CTNNA2: variants seen among roughly 807,000 people sequenced by gnomAD.
CTNNA2 encodes the protein catenin alpha-2.
In CTNNA2, 42 loss-of-function variants were observed where a neutral mutation model predicts 101.0. The ratio of observed to expected loss-of-function variants is 0.42; its 90% confidence interval spans 0.32 to 0.54. The LOEUF is 0.54. Among genes scored for constraint, CTNNA2 ranks in the 20% least tolerant of loss-of-function variants. The pLI, the probability that CTNNA2 is intolerant of heterozygous loss-of-function variation, is 0.14. For missense variants in CTNNA2, 871 were observed against 1,223.1 expected (o/e 0.71, Z 4.29); for synonymous variants, 450 against 456.4 (o/e 0.99, Z 0.18).
intron 7 of CTNNA2, among the ~76,000 whole-genome samples, chr2:80,185,956 G>A (rs1440945771): frequency 6.6e-6 from 1 of 152,220 alleles, no homozygotes; most frequent in African/African-American, 2.4e-5. Flanking sequence ...AAAAAAGAGT[G>A]TAAGAGTTGA....
chr2:80,618,325 A>G (rs1699019155), intron 17 of CTNNA2, among the ~76,000 whole-genome samples: 1 of 151,864 alleles, frequency 6.6e-6, no homozygotes, highest in South Asian at 2.1e-4. Context: ...GATTTTTTCT[A>G]CAGTTCTGAA....
chr2:80,331,992 C>G (rs1276893291), intron 7 of CTNNA2, among the ~76,000 whole-genome samples: 1 of 152,112 alleles, frequency 6.6e-6, no homozygotes, highest in East Asian at 1.9e-4. Flanking sequence ...AGGTACCATT[C>G]CCGTGCAGGA....
chr2:79,318,089 T>G (rs1676537206), intron 3 of CTNNA2, among the ~76,000 whole-genome samples: 2 of 152,104 alleles, frequency 1.3e-5, no homozygotes, highest in Non-Finnish European at 2.9e-5. Flanking sequence ...TTGAGATAAT[T>G]ATTATGATAT....
intron 3 of CTNNA2, among the ~76,000 whole-genome samples, chr2:79,349,757 T>G (rs1397534222): frequency 6.6e-6 from 1 of 152,310 alleles, no homozygotes; most frequent in South Asian, 2.1e-4. Context: ...AGAGAGCTGA[T>G]GAAGACACCA....
intron 7 of CTNNA2, among the ~76,000 whole-genome samples, chr2:80,044,605 A>G (rs1696392938): frequency 6.6e-6 from 1 of 152,048 alleles, no homozygotes; most frequent in South Asian, 2.1e-4. Flanking sequence ...GCATTCCCCA[A>G]CTTCCCTACA....
At chr2:79,408,573 C>T (rs564062609) in intron 4 of CTNNA2, among the ~76,000 whole-genome samples, 1 of 150,998 alleles carries the variant, frequency 6.6e-6, no homozygotes, top group African/African-American at 2.4e-5. Flanking sequence ...TTTGTCCTTG[C>T]GATAGTTTGC....
Position 79,488,275 on chromosome 2 carries a change from G to A in CTNNA2, c.-134-16779G>A, listed in dbSNP as rs956875097. ...AGTGTTTGTGGTGAGCTGAGATTGC[G>A]CCATTGAACTCCAGCCTGGGCAACA... On this transcript the variant is annotated intron_variant, in intron 4 of 21. Transcript: ENST00000466387. 1.4e-4 allele frequency among the ~76,000 whole-genome samples: 19 copies of A among 135,214 alleles called. No homozygotes were observed. In the East Asian group the frequency reaches 1.9e-3, roughly 14 times the overall value. The allele number at this position is 135,214 out of a possible 152,430, so 88.7% of individuals were successfully genotyped here.
chr2:80,351,436 C>T (rs576767162), intron 7 of CTNNA2, among the ~76,000 whole-genome samples: 1 of 152,232 alleles, frequency 6.6e-6, no homozygotes, highest in South Asian at 2.1e-4. Flanking sequence ...GATGAGTCAA[C>T]CTGCAGTTCA....
At chr2:80,194,817 G>A (rs933130134) in intron 7 of CTNNA2, among the ~76,000 whole-genome samples, 4 of 150,674 alleles carry the variant, frequency 2.7e-5, no homozygotes, top group African/African-American at 9.7e-5. Flanking sequence ...GTGTTTTTGT[G>A]TGTGTATATA....
intron 9 of CTNNA2, among the ~76,000 whole-genome samples, chr2:80,497,965 A>T (rs1687596527): frequency 6.6e-6 from 1 of 152,124 alleles, no homozygotes; most frequent in African/African-American, 2.4e-5. Flanking sequence ...AAGCCCACCT[A>T]CTCTATGCTG....
chr2:80,122,598 A>C (rs1701903077), intron 7 of CTNNA2, among the ~76,000 whole-genome samples: 1 of 152,120 alleles, frequency 6.6e-6, no homozygotes, highest in Non-Finnish European at 1.5e-5. Context: ...TACTCTGTGG[A>C]AATTGACCCA....
At chr2:79,989,957 G>A (rs754244920) in intron 7 of CTNNA2, among the ~76,000 whole-genome samples, 17 of 152,104 alleles carry the variant, frequency 1.1e-4, no homozygotes, top group Non-Finnish European at 2.2e-4. Context: ...TTGGTCTTCC[G>A]ATTCATACCC....
chr2:80,443,965 A>T (rs1032032715), intron 9 of CTNNA2, among the ~76,000 whole-genome samples: 22 of 152,284 alleles, frequency 1.4e-4, no homozygotes, highest in Middle Eastern at 3.4e-3. Context: ...TTAGGGAGAC[A>T]TGAATAGGTT....
chr2:80,321,559 C>T (rs72813635), intron 7 of CTNNA2, among the ~76,000 whole-genome samples: 48 of 152,214 alleles, frequency 3.2e-4, no homozygotes, highest in Non-Finnish European at 6.5e-4. Context: ...TGTATGAATT[C>T]ATAAAATGTA....
chr2:79,214,529 A>G (rs1674220141), intron 2 of CTNNA2, among the ~76,000 whole-genome samples: 1 of 152,148 alleles, frequency 6.6e-6, no homozygotes, highest in Admixed American at 6.5e-5. Context: ...AACAGGCTTT[A>G]ATCCTTTTAA....
intron 9 of CTNNA2, among the ~76,000 whole-genome samples, chr2:80,510,023 C>G (rs1433745464): frequency 6.6e-6 from 1 of 152,178 alleles, no homozygotes; most frequent in Non-Finnish European, 1.5e-5. Context: ...ACTTCTGCCC[C>G]TCTATAGGGC....
chr2:79,647,194 C>T (rs747488884), intron 1 of CTNNA2, among the ~76,000 whole-genome samples: 1 of 152,082 alleles, frequency 6.6e-6, no homozygotes, highest in Non-Finnish European at 1.5e-5. Flanking sequence ...CTTGTTTTCT[C>T]GTTTGTGTCA....
At chr2:79,820,082 T>C (rs1406997356) in intron 3 of CTNNA2, among the ~76,000 whole-genome samples, 3 of 120,110 alleles carry the variant, frequency 2.5e-5, no homozygotes, top group African/African-American at 3.7e-5. Flanking sequence ...GATAAATATA[T>C]GTAATATGTG....
chr2:79,776,045 C>T (rs909169819), intron 3 of CTNNA2, among the ~76,000 whole-genome samples: 3 of 152,166 alleles, frequency 2.0e-5, no homozygotes, highest in African/African-American at 7.2e-5. Context: ...ATACTCCTCC[C>T]TTATGAGCTG....
Sources: allele counts gnomAD v4.1 joint callset (sites outside exome capture counted in the v4.1 genomes callset), GRCh38; gene constraint gnomAD v4.1.1; transcripts MANE v1.5; gene names NCBI Gene and HGNC (gene_info 2026-07-23, HGNC 2026-07-21).